SESN1: variants seen among roughly 807,000 people sequenced by gnomAD.
SESN1 encodes the protein sestrin 1, also known as sestrin-1.
In SESN1, 30 loss-of-function variants were observed where a neutral mutation model predicts 59.3. That is an observed-to-expected ratio of 0.51 (90% CI 0.38 to 0.69). The LOEUF is 0.69. Among genes scored for constraint, SESN1 ranks in the 30% least tolerant of loss-of-function variants. SESN1 has a pLI of 0.00. For synonymous variants in SESN1, 197 were observed against 219.9 expected (o/e 0.90, Z 0.92); for missense variants, 566 against 673.0 (o/e 0.84, Z 1.76).
In SESN1 at chr6:108,991,073, A is replaced by C. The variant is rs409261; in HGVS notation, c.1234-238T>G. On this transcript the variant is annotated intron_variant, in intron 7 of 9. Transcript: ENST00000436639. Reference sequence around the variant, plus strand: ...AAACTAATAGTCTCATCTCAAAAAAAAACAACAACAAAAAAAAACTAATAG... The same window carrying C: ...AAACTAATAGTCTCATCTCAAAAAACAACAACAACAAAAAAAAACTAATAG... 0.54 allele frequency among the ~76,000 whole-genome samples: 80,594 copies of C among 150,030 alleles called. 24,752 individuals are homozygous for C. The highest frequency in any genetic ancestry group is 0.87 in the East Asian group (4,482 of 5,146).
At chr6:108,992,176 G>A (rs1469078729) in intron 7 of SESN1, among the ~76,000 whole-genome samples, 2 of 152,112 alleles carry the variant, frequency 1.3e-5, no homozygotes, top group Non-Finnish European at 1.5e-5. Context: ...ACAACTCACC[G>A]CAGCCTCAAC....
chr6:108,987,750 A>T, intron 9 of SESN1, 120 bp from the exon 10 acceptor site: 1 of 507,040 alleles, frequency 2.0e-6, no homozygotes. Context: ...GTAGTACAGC[A>T]TAACTTAGCC....
At chr6:109,024,429 G>A (rs1780059148) in intron 1 of SESN1, among the ~76,000 whole-genome samples, 2 of 152,032 alleles carry the variant, frequency 1.3e-5, no homozygotes, top group Admixed American at 1.3e-4. Flanking sequence ...TTTCTATAAG[G>A]GTAATGGTCC....
chr6:109,042,384 C>T (rs1780356551), intron 1 of SESN1, among the ~76,000 whole-genome samples: 2 of 149,950 alleles, frequency 1.3e-5, no homozygotes, highest in African/African-American at 4.9e-5. Context: ...AACAGAAAAA[C>T]AAAAGAGTAA....
intron 1 of SESN1, among the ~76,000 whole-genome samples, chr6:109,008,525 A>G (rs1013795870): frequency 2.6e-5 from 4 of 152,226 alleles, no homozygotes; most frequent in African/African-American, 9.7e-5. Context: ...TATACTGATA[A>G]TAGACTCCAT....
At chr6:109,016,016 A>G (rs1249730612) in intron 1 of SESN1, among the ~76,000 whole-genome samples, 1 of 152,206 alleles carries the variant, frequency 6.6e-6, no homozygotes, top group Non-Finnish European at 1.5e-5. Flanking sequence ...TATCCATTCA[A>G]AATAGATTAA....
intron 1 of SESN1, among the ~76,000 whole-genome samples, chr6:109,004,682 G>A (rs111345199): frequency 0.048 from 7,351 of 152,038 alleles, 333 homozygotes; most frequent in African/African-American, 0.12. Context: ...CGCCCACCTC[G>A]GCCTCCCAAA....
At chr6:108,990,859 T>A in intron 7 of SESN1, 24 bp from the exon 8 acceptor site, 1 of 1,588,046 alleles carries the variant, frequency 6.3e-7, no homozygotes, top group Non-Finnish European at 8.6e-7. Context: ...ATAGAACAAA[T>A]GTGAATAAAT....
intron 5 of SESN1, 99 bp downstream of exon 5, chr6:108,998,414 T>TTAA (rs1779543187): frequency 4.1e-6 from 6 of 1,450,158 alleles, no homozygotes; most frequent in Non-Finnish European, 5.7e-6. Flanking sequence ...CTCCACAGTC[T>TTAA]TAACAGGGTG....
In SESN1 at chr6:109,060,223, G is replaced by GT. The variant is rs1204810951; in HGVS notation, c.279+33571dup. 2.6e-5 allele frequency among the ~76,000 whole-genome samples: 4 copies of GT among 152,012 alleles called. No homozygotes were observed. In the East Asian group the frequency reaches 5.8e-4, roughly 22 times the overall value. On this transcript the variant is annotated intron_variant, in intron 1 of 9. Transcript: ENST00000436639. ...ACATTAACAAAGGATAATTTGTTGA[G>GT]TTTTTTTTCTAGAATAGATTCTAAA... is the stretch of plus-strand genomic sequence containing the variant.
chr6:109,025,612 T>A (rs1164074349), intron 1 of SESN1, among the ~76,000 whole-genome samples: 8 of 150,106 alleles, frequency 5.3e-5, no homozygotes, highest in African/African-American at 2.0e-4. Context: ...ATAGAAAGTA[T>A]GGGTGAGAAA....
At chr6:109,000,775 G>T in intron 3 of SESN1, 102 bp from the exon 4 acceptor site, 1 of 1,014,150 alleles carries the variant, frequency 9.9e-7, no homozygotes. Flanking sequence ...TTATTAGTAT[G>T]TTTTCAAATT....
intron 1 of SESN1, among the ~76,000 whole-genome samples, chr6:109,061,231 A>G (rs952784829): frequency 1.3e-5 from 2 of 152,208 alleles, no homozygotes; most frequent in African/African-American, 4.8e-5. Flanking sequence ...CTGTGAAACC[A>G]CATCTGATTC....
chr6:109,018,458 G>A (rs578178057), intron 1 of SESN1, among the ~76,000 whole-genome samples: 5 of 152,276 alleles, frequency 3.3e-5, no homozygotes, highest in African/African-American at 1.2e-4. Flanking sequence ...AATAGTGAGT[G>A]AACTGCTACA....
chr6:108,992,903 G>A lies in SESN1; in HGVS notation c.1121-4C>T. The A allele has an allele frequency of 6.3e-7, 1 of 1,584,286 alleles. No individual in the cohort carries two copies. Among genetic ancestry groups the A allele is most frequent in the South Asian group, 1.1e-5 (1 of 89,076 alleles). On this transcript the variant is annotated splice_polypyrimidine_tract_variant and splice_region_variant and intron_variant, in intron 6 of 9. Coordinates refer to ENST00000436639, the MANE Select transcript of SESN1 (RefSeq NM_014454.3). Reference sequence around the variant, plus strand: ...GCTGGTGTAACTTCTTCATCATCTGGGAAAAAAGGCCATTGAAAGGTTTTT... The same window carrying A: ...GCTGGTGTAACTTCTTCATCATCTGAGAAAAAAGGCCATTGAAAGGTTTTT...
At chr6:109,033,945 C>A (rs910349043) in intron 1 of SESN1, among the ~76,000 whole-genome samples, 1 of 152,178 alleles carries the variant, frequency 6.6e-6, no homozygotes, top group Non-Finnish European at 1.5e-5. Context: ...GCATTAGAGT[C>A]TAACAACCTG....
Position 109,072,899 on chromosome 6 carries a change from AT to A in SESN1, c.279+20895del, listed in dbSNP as rs752056225. On this transcript the variant is annotated intron_variant, in intron 1 of 9. Transcript: ENST00000436639. Reference sequence around the variant, plus strand: ...AAAATACAGACATTTTATCTAGTCAATTTTTTTTTTAATAAAATGGCAAAGA... The same window carrying A: ...AAAATACAGACATTTTATCTAGTCAATTTTTTTTTAATAAAATGGCAAAGA... Among the ~76,000 whole-genome samples the A allele has an allele frequency of 9.9e-3, 1,487 of 150,612 alleles. 21 individuals are homozygous for A. Among genetic ancestry groups the A allele is most frequent in the African/African-American group, 0.029 (1,187 of 41,178 alleles).
At chr6:109,088,483 TG>T (rs566163226) in intron 1 of SESN1, among the ~76,000 whole-genome samples, 9 of 151,532 alleles carry the variant, frequency 5.9e-5, no homozygotes, top group East Asian at 1.9e-4. Context: ...CTCCTGGAGG[TG>T]GGGGGGTAAT....
At chr6:109,049,284 A>G (rs977684864) in intron 1 of SESN1, among the ~76,000 whole-genome samples, 1 of 152,222 alleles carries the variant, frequency 6.6e-6, no homozygotes, top group Non-Finnish European at 1.5e-5. Flanking sequence ...ACAGAAAGTT[A>G]AACATCGTAT....
Sources: gnomAD v4.1 joint callset for allele counts (sites outside exome capture counted in the v4.1 genomes callset) on GRCh38, gnomAD v4.1.1 for gene constraint, MANE v1.5 for transcripts, NCBI Gene and HGNC (gene_info 2026-07-23, HGNC 2026-07-21) for gene names.